SREK1: variants seen among roughly 807,000 people sequenced by gnomAD.
SREK1 encodes the protein splicing regulatory glutamine/lysine-rich protein 1.
SREK1 carries 13 observed loss-of-function variants against 66.5 expected under a neutral mutation model. That is an observed-to-expected ratio of 0.20 (90% CI 0.13 to 0.31). The LOEUF (loss-of-function observed/expected upper bound fraction) is 0.31. Among genes scored for constraint, SREK1 ranks in the 10% least tolerant of loss-of-function variants. The pLI is 1.00. For missense variants in SREK1, 607 were observed against 769.6 expected, an observed-to-expected ratio of 0.79 and a Z score of 2.50; for synonymous variants, 265 against 263.5, an observed-to-expected ratio of 1.01 and a Z score of -0.05.
chr5:66,167,873 T>G (rs1288521712), intron 7 of SREK1: 1 of 152,200 alleles, frequency 6.6e-6, no homozygotes, highest in Non-Finnish European at 1.5e-5. Context: ...TTATTAAGTA[T>G]GTAGAAGCAA....
rs745459857 is a variant in SREK1 at position 66,162,118 on chromosome 5, T to A, written c.421T>A (p.Ser141Thr). The A allele has an allele frequency of 3.0e-5, 49 of 1,610,756 alleles. No homozygotes were observed. In the South Asian group the frequency reaches 5.3e-4, roughly 18 times the overall value. ...TTTCTTCTTTCGATAGCTTGGTGTTTCACTTAGCAGTTTGGGAGCTATACC... is the reference window on the plus strand; with the variant it reads ...TTTCTTCTTTCGATAGCTTGGTGTTACACTTAGCAGTTTGGGAGCTATACC... ...TPNPLTTLGV[S>T]LSSLGAIPAA... is the part of the protein sequence containing the mutation. The change falls in exon 4 of 12, where the codon TCA (serine) becomes ACA (threonine). Residue 141 changes from serine (S) to threonine (T), a missense_variant. Ser to Thr is a moderately conservative substitution (Grantham distance 58). This residue lies in a region of SREK1 where 99 missense variants were observed against 186.6 expected (regional missense o/e 0.53). Coordinates refer to ENST00000334121, the MANE Select transcript of SREK1 (RefSeq NM_001077199.3).
At chr5:66,147,427 A>G (rs1467744377) in intron 1 of SREK1, among the ~76,000 whole-genome samples, 1 of 152,232 alleles carries the variant, frequency 6.6e-6, no homozygotes, top group Non-Finnish European at 1.5e-5. Flanking sequence ...GCGCAGGTTG[A>G]TGAATCTTTA....
chr5:66,144,959 AAGGCCTTGGTGTC>A (rs1422251467), intron 1 of SREK1: 1 of 988,922 alleles, frequency 1.0e-6, no homozygotes, highest in African/African-American at 1.7e-5. Flanking sequence ...TCCAGTTTTT[AAGGCCTTGGTGTC>A]AGGCCGTTTT....
chr5:66,160,165 G>T, intron 3 of SREK1, among the ~76,000 whole-genome samples: 1 of 151,880 alleles, frequency 6.6e-6, no homozygotes, highest in East Asian at 1.9e-4. Flanking sequence ...CTGGTTCTTG[G>T]TTTTTGCTTA....
At chr5:66,155,344 A>G (rs1417359450) in intron 2 of SREK1, among the ~76,000 whole-genome samples, 1 of 152,174 alleles carries the variant, frequency 6.6e-6, no homozygotes, top group South Asian at 2.1e-4. Flanking sequence ...ACACTAACCT[A>G]CAGTTGGTAT....
At chr5:66,154,363 G>A (rs1580629168) in intron 2 of SREK1, among the ~76,000 whole-genome samples, 1 of 152,152 alleles carries the variant, frequency 6.6e-6, no homozygotes, top group African/African-American at 2.4e-5. Flanking sequence ...TGACACTTCT[G>A]GTGTATAATT....
intron 2 of SREK1, chr5:66,158,676 A>T: frequency 1.3e-6 from 1 of 755,394 alleles, no homozygotes; most frequent in Non-Finnish European, 1.8e-6. Flanking sequence ...GGCACTCATT[A>T]AGAAATTTCA....
intron 4 of SREK1, 43 bp downstream of exon 4, chr5:66,162,316 C>G: frequency 6.2e-7 from 1 of 1,607,498 alleles, no homozygotes. Context: ...AGCCCTTATT[C>G]TTTTTCTCTT....
rs191389405 is a variant in SREK1 at position 66,145,109 on chromosome 5, T to C, written c.161+572T>C. 13 of 985,696 alleles carry C rather than the reference T, an allele frequency of 1.3e-5. No homozygotes were observed. The Admixed American group carries it at 3.7e-4, about 28-fold the overall frequency. 61.1% of individuals were successfully genotyped at this position (985,696 alleles called of 1,614,324 possible). On this transcript the variant is annotated intron_variant, in intron 1 of 11. Transcript: ENST00000334121. ...CGCATCCATGTTCCCAAAGATCATG[T>C]CTGTTAGCCCTTTTGACAGCAGATT...
intron 9 of SREK1, 144 bp downstream of exon 9, chr5:66,171,091 A>G (rs541245930): frequency 3.9e-6 from 4 of 1,027,800 alleles, no homozygotes; most frequent in Admixed American, 6.4e-5. Flanking sequence ...TTCAGAGTAA[A>G]CATTTCTCTA....
chr5:66,157,572 G>GGT (rs1744395153), intron 2 of SREK1: 1 of 967,552 alleles, frequency 1.0e-6, no homozygotes, highest in Non-Finnish European at 1.2e-6. Context: ...TGTATATGTG[G>GGT]GTATATATAA....
Position 66,145,253 on chromosome 5 carries a change from G to T in SREK1, c.161+716G>T, listed in dbSNP as rs551095349. 1.8e-5 allele frequency: 14 copies of T among 770,828 alleles called. No homozygotes were observed. The South Asian group carries it at 6.5e-4, about 36-fold the overall frequency. The allele number at this position is 770,828 out of a possible 1,614,324, so 47.7% of individuals were successfully genotyped here. On this transcript the variant is annotated intron_variant, in intron 1 of 11. Coordinates refer to ENST00000334121, the MANE Select transcript of SREK1 (RefSeq NM_001077199.3). The stretch of plus-strand genomic sequence containing the variant: ...AGATCTTGGCTGGCATTCACAGCTC[G>T]CGGCCACTTCCCAGATAGTGTATTT...
intron 8 of SREK1, 97 bp downstream of exon 8, chr5:66,170,267 G>T: frequency 7.0e-7 from 1 of 1,432,778 alleles, no homozygotes; most frequent in African/African-American, 1.4e-5. Context: ...TTAAAAATCT[G>T]TTGTGGTTTA....
rs1744363604 is a variant in SREK1, at chr5:66,157,259, T to C, written c.296-1960T>C. ...AACCTACTGATACTTAAGCTGAAAG[T>C]GAAAGACTTCATAATACTAAGTAGT... On this transcript the variant is annotated intron_variant, in intron 2 of 11. Transcript: ENST00000334121. 3 of 985,162 alleles carry C rather than the reference T, an allele frequency of 3.0e-6. No individual in the cohort carries two copies. In the African/African-American group the frequency reaches 5.2e-5, roughly 17 times the overall value. The allele number at this position is 985,162 out of a possible 1,614,324, so 61.0% of individuals were successfully genotyped here.
Position 66,180,848 on chromosome 5 carries a change from AG to A in SREK1, c.*1981del, listed in dbSNP as rs1209839931. On this transcript the variant is annotated 3_prime_UTR_variant, in exon 12 of 12. Transcript: ENST00000334121. ...GCAAATGTTGGAATCTGTTATTTTT[AG>A]TACCATGTCTTTAATAAAGCTAAGT... 6.6e-6 allele frequency: 1 copy of A among 152,574 alleles called. No homozygotes were observed. The highest frequency in any genetic ancestry group is 1.5e-5 in the Non-Finnish European group (1 of 68,020). The allele number at this position is 152,574 out of a possible 1,614,324, so 9.5% of individuals were successfully genotyped here. A position where few individuals can be genotyped will look rare whatever the true frequency, so the allele number is the denominator to read the frequency against.
intron 9 of SREK1, 42 bp downstream of exon 9, chr5:66,170,989 G>C: frequency 6.4e-7 from 1 of 1,556,436 alleles, no homozygotes; most frequent in East Asian, 2.3e-5. Context: ...ATTTGCTGAT[G>C]ACAATTGGAA....
intron 3 of SREK1, among the ~76,000 whole-genome samples, chr5:66,161,805 A>G (rs529222132): frequency 2.6e-5 from 4 of 152,356 alleles, no homozygotes; most frequent in African/African-American, 7.2e-5. Flanking sequence ...TCAATATTCA[A>G]TAATTCATTG....
intron 9 of SREK1, among the ~76,000 whole-genome samples, chr5:66,172,279 C>A (rs1021521154): frequency 2.0e-5 from 3 of 152,132 alleles, no homozygotes; most frequent in Non-Finnish European, 4.4e-5. Flanking sequence ...TATTTTCATT[C>A]CTTTTTAATA....
rs1746153783 is a variant in SREK1 at position 66,177,508 on chromosome 5, T to G, written c.1581-6T>G. On this transcript the variant is annotated splice_region_variant and splice_polypyrimidine_tract_variant and intron_variant, in intron 10 of 11. Coordinates refer to ENST00000334121, the MANE Select transcript of SREK1 (RefSeq NM_001077199.3). The stretch of plus-strand genomic sequence containing the variant: ...GAATTTAACTGACATATCAATATTC[T>G]TATAGCAGAAATAAGAAGGATAAAA... The G allele has an allele frequency of 6.4e-7, 1 of 1,570,206 alleles. No homozygotes were observed. The highest frequency in any genetic ancestry group is 1.2e-5 in the South Asian group (1 of 84,600).
Sources: allele counts gnomAD v4.1 joint callset (sites outside exome capture counted in the v4.1 genomes callset), GRCh38; gene constraint gnomAD v4.1.1; regional missense constraint gnomAD v4.1.1; transcripts MANE v1.5; gene names NCBI Gene and HGNC (gene_info 2026-07-23, HGNC 2026-07-21).